The following MCC variants were observed in gnomAD, a reference collection of about 807,000 sequenced individuals.
The protein encoded by MCC is MCC regulator of Wnt signaling pathway, also known as colorectal mutant cancer protein.
A neutral mutation model predicts 116.2 loss-of-function variants in MCC; 90 were observed. The ratio of observed to expected loss-of-function variants is 0.77; its 90% CI spans 0.65 to 0.92. MCC has a LOEUF of 0.92. Ranked by LOEUF, MCC falls within the 40% of genes least tolerant of loss-of-function variation. The pLI, the probability that MCC is intolerant of heterozygous loss-of-function variation, is 0.00. For synonymous variants in MCC, 578 were observed against 510.5 expected, an observed-to-expected ratio of 1.13 and a Z score of -1.78; for missense variants, 1,516 against 1,312.2, an observed-to-expected ratio of 1.16 and a Z score of -2.40.
intron 3 of MCC, among the ~76,000 whole-genome samples, chr5:113,276,838 G>C (rs1468583697): frequency 1.4e-5 from 2 of 144,006 alleles, no homozygotes; most frequent in Admixed American, 7.0e-5. Context: ...ATGGTCTCAC[G>C]GTGTTACCGA....
At chr5:113,226,788 T>C (rs1763758741) in intron 3 of MCC, among the ~76,000 whole-genome samples, 2 of 152,186 alleles carry the variant, frequency 1.3e-5, no homozygotes, top group African/African-American at 2.4e-5. Flanking sequence ...TTTACAATGT[T>C]TTATCTGTGG....
chr5:113,236,810 G>A (rs968836015), intron 3 of MCC, among the ~76,000 whole-genome samples: 1 of 152,170 alleles, frequency 6.6e-6, no homozygotes, highest in Non-Finnish European at 1.5e-5. Flanking sequence ...TGTTTGTTCA[G>A]GGGGACGGGG....
intron 1 of MCC, among the ~76,000 whole-genome samples, chr5:113,472,836 GTT>G (rs1368093113): frequency 6.6e-6 from 1 of 152,224 alleles, no homozygotes; most frequent in Non-Finnish European, 1.5e-5. Flanking sequence ...TGGTACAGGA[GTT>G]TTCCTCTATT....
intron 8 of MCC, among the ~76,000 whole-genome samples, chr5:113,100,315 A>G (rs1219188306): frequency 6.6e-6 from 1 of 152,158 alleles, no homozygotes; most frequent in Non-Finnish European, 1.5e-5. Context: ...GCAACTAAGA[A>G]TACTTACAAA....
intron 5 of MCC, among the ~76,000 whole-genome samples, chr5:113,132,423 C>CACACATATAT (rs1561384956): frequency 5.4e-5 from 7 of 130,186 alleles, no homozygotes; most frequent in African/African-American, 2.2e-4. Context: ...TATATACACA[C>CACACATATAT]ATACATATAT....
chr5:113,352,512 T>C (rs761732155), intron 2 of MCC, among the ~76,000 whole-genome samples: 2 of 152,106 alleles, frequency 1.3e-5, no homozygotes, highest in African/African-American at 4.8e-5. Context: ...CACTAAGTAA[T>C]AGATTCTACA....
In MCC at chr5:113,025,088, G is replaced by A. The variant is rs1750440631; in HGVS notation, c.*2214C>T. 1 of 152,008 alleles carries A rather than the reference G, an allele frequency of 6.6e-6. No homozygotes were observed. The allele number at this position is 152,008 out of a possible 1,614,324, so 9.4% of individuals were successfully genotyped here. On this transcript the variant is annotated 3_prime_UTR_variant, in exon 19 of 19. Coordinates refer to ENST00000408903, the MANE Select transcript of MCC (RefSeq NM_001085377.2). ...GAATGGAGACAGAAGTCAGTAGGCA[G>A]GATTTTATTCCTGCTTCAGCCACAT...
chr5:113,282,394 A>G (rs764584291), intron 3 of MCC, among the ~76,000 whole-genome samples: 2 of 152,192 alleles, frequency 1.3e-5, no homozygotes, highest in African/African-American at 2.4e-5. Flanking sequence ...CAGTAATTAC[A>G]TGTGTGTCCA....
chr5:113,091,710 T>C (rs1393373844), intron 8 of MCC, among the ~76,000 whole-genome samples: 1 of 152,036 alleles, frequency 6.6e-6, no homozygotes, highest in African/African-American at 2.4e-5. Flanking sequence ...CGCAAGACCC[T>C]GTCTCTACAA....
chr5:113,288,924 C>T (rs1210959672), intron 3 of MCC, among the ~76,000 whole-genome samples: 2 of 152,150 alleles, frequency 1.3e-5, no homozygotes, highest in East Asian at 3.8e-4. Flanking sequence ...ATGTCAATAT[C>T]TGGGAAGTGC....
Position 113,329,182 on chromosome 5 carries a change from G to A in MCC, c.627+11337C>T, listed in dbSNP as rs118017917. On this transcript the variant is annotated intron_variant, in intron 3 of 18. Transcript: ENST00000408903. The stretch of plus-strand genomic sequence containing the variant: ...CAAAACAAGTGACACAATATGTAGT[G>A]TACGGTAAATCCCCAATGAATATTA... 2.1e-3 allele frequency among the ~76,000 whole-genome samples: 314 copies of A among 152,286 alleles called. 6 individuals carry two copies. The East Asian group carries it at 0.054, about 26-fold the overall frequency.
intron 1 of MCC, among the ~76,000 whole-genome samples, chr5:113,402,155 G>T (rs778141386): frequency 6.6e-6 from 1 of 152,004 alleles, no homozygotes; most frequent in Middle Eastern, 3.2e-3. Flanking sequence ...TTAGCCCGAC[G>T]TAGTGGCAGG....
At position 113,086,728 on chromosome 5, in the gene MCC, C is replaced by T. The variant is rs371288041; in HGVS notation, c.1399-1418G>A. Among the ~76,000 whole-genome samples the T allele has an allele frequency of 8.3e-4, 127 of 152,300 alleles. 2 individuals carry two copies. Among genetic ancestry groups the T allele is most frequent in the African/African-American group, 2.9e-3 (119 of 41,564 alleles). ...AGAGTGCAGTGTCTACCTGAAAGAG[C>T]AAACTAACTACAACACCCAGCGGTC... On this transcript the variant is annotated intron_variant, in intron 8 of 18. Transcript: ENST00000408903.
At chr5:113,191,042 A>G (rs1209431819) in intron 3 of MCC, among the ~76,000 whole-genome samples, 1 of 152,140 alleles carries the variant, frequency 6.6e-6, no homozygotes, top group African/African-American at 2.4e-5. Flanking sequence ...TCCTCTCTGG[A>G]TTATATAGAT....
intron 14 of MCC, among the ~76,000 whole-genome samples, chr5:113,058,418 A>G (rs1302233034): frequency 2.0e-5 from 3 of 152,170 alleles, no homozygotes; most frequent in African/African-American, 7.2e-5. Flanking sequence ...CAAGACCTCC[A>G]CAGTCAGGAA....
At chr5:113,486,326 G>A (rs1378933807) in intron 1 of MCC, among the ~76,000 whole-genome samples, 3 of 152,112 alleles carry the variant, frequency 2.0e-5, no homozygotes, top group African/African-American at 7.2e-5. Context: ...TTTTGCCCCA[G>A]CCAGTTTCTA....
At chr5:113,066,994 GTC>G (rs1465862852) in intron 13 of MCC, among the ~76,000 whole-genome samples, 2 of 152,184 alleles carry the variant, frequency 1.3e-5, no homozygotes, top group Non-Finnish European at 2.9e-5. Flanking sequence ...TTCTCCTTGG[GTC>G]TCTCTTTCCT....
In MCC at chr5:113,026,423, T is replaced by C. The variant is rs1032574018; in HGVS notation, c.*879A>G. 6.6e-6 allele frequency: 1 copy of C among 152,270 alleles called. No individual in the cohort carries two copies. Among genetic ancestry groups the C allele is most frequent in the African/African-American group, 2.4e-5 (1 of 41,472 alleles). The allele number at this position is 152,270 out of a possible 1,614,324, so 9.4% of individuals were successfully genotyped here. On this transcript the variant is annotated 3_prime_UTR_variant, in exon 19 of 19. Transcript: ENST00000408903. ...GCAGAACAGCAATTATGTAGTGCCC[T>C]GGGGCGGGAAGTGCTAATAATGTTT...
At chr5:113,347,281 T>G (rs910942266) in intron 2 of MCC, among the ~76,000 whole-genome samples, 16 of 152,078 alleles carry the variant, frequency 1.1e-4, no homozygotes, top group Admixed American at 3.3e-4. Context: ...TACAACAACT[T>G]TTTAAGACAT....
Sources: gnomAD v4.1 joint callset for allele counts (sites outside exome capture counted in the v4.1 genomes callset) on GRCh38, gnomAD v4.1.1 for gene constraint, MANE v1.5 for transcripts, NCBI Gene and HGNC (gene_info 2026-07-23, HGNC 2026-07-21) for gene names.